Variants in USP15 observed in about 807,000 individuals in gnomAD.
USP15 encodes ubiquitin specific peptidase 15, also known as ubiquitin carboxyl-terminal hydrolase 15.
A neutral mutation model predicts 127.1 loss-of-function variants in USP15; 18 were observed. The observed-to-expected ratio is 0.14, with a 90% CI of 0.10 to 0.21. The LOEUF is 0.21. USP15 is among the 10% of genes least tolerant of loss of function. The pLI is 1.00. For missense variants in USP15, 805 were observed against 1,159.9 expected (o/e 0.69, Z 4.44); for synonymous variants, 364 against 393.7 (o/e 0.92, Z 0.89).
intron 8 of USP15, among the ~76,000 whole-genome samples, chr12:62,366,945 G>A (rs147914360): frequency 1.3e-5 from 2 of 152,218 alleles, no homozygotes; most frequent in African/African-American, 2.4e-5. Context: ...TGCTGGATTC[G>A]GTTTGCCAGT....
chr12:62,350,278 C>T (rs2065930949), intron 7 of USP15, among the ~76,000 whole-genome samples: 1 of 151,734 alleles, frequency 6.6e-6, no homozygotes, highest in African/African-American at 2.4e-5. Context: ...TAAATTAAAA[C>T]ACCAATAATT....
chr12:62,393,279 T>A, intron 19 of USP15, 77 bp downstream of exon 19: 1 of 1,523,816 alleles, frequency 6.6e-7, no homozygotes, highest in Non-Finnish European at 8.8e-7. Context: ...TTATTATCCT[T>A]TAGTAAACAT....
intron 6 of USP15, among the ~76,000 whole-genome samples, chr12:62,344,455 G>A (rs1340631739): frequency 6.6e-6 from 1 of 152,214 alleles, no homozygotes. Context: ...TGGCTTTGCA[G>A]GGTGTAGCCC....
At position 62,384,367 on chromosome 12, in the gene USP15, A is replaced by AGG. The variant is rs1465969026; in HGVS notation, c.1473+65_1473+66insGG. 3 of 1,254,992 alleles carry AGG rather than the reference A, an allele frequency of 2.4e-6. No individual in the cohort carries two copies. In the African/African-American group the frequency reaches 4.6e-5, roughly 19 times the overall value. The allele number at this position is 1,254,992 out of a possible 1,614,324, so 77.7% of individuals were successfully genotyped here. On this transcript the variant is annotated intron_variant, in intron 11 of 21. Transcript: ENST00000280377. ...TTTTTGCATTTGTTATTTTTATTAA[A>AGG]AAATTAGTGTTGAGTCCTTATTATA...
chr12:62,333,924 T>G (rs1168309992), intron 6 of USP15, among the ~76,000 whole-genome samples: 1 of 152,162 alleles, frequency 6.6e-6, no homozygotes, highest in African/African-American at 2.4e-5. Context: ...AGAATAATCA[T>G]GAAGGCTCAG....
At chr12:62,362,480 C>T (rs1417607032) in intron 8 of USP15, among the ~76,000 whole-genome samples, 3 of 152,044 alleles carry the variant, frequency 2.0e-5, no homozygotes, top group African/African-American at 7.2e-5. Context: ...TTCAAGTACT[C>T]CTTTTGGAAT....
intron 6 of USP15, among the ~76,000 whole-genome samples, chr12:62,347,424 G>C (rs2065852723): frequency 6.6e-6 from 1 of 151,038 alleles, no homozygotes; most frequent in Non-Finnish European, 1.5e-5. Flanking sequence ...TGAAGCAATG[G>C]ATCTTTATTT....
intron 8 of USP15, among the ~76,000 whole-genome samples, chr12:62,372,715 CT>C (rs1404736572): frequency 2.0e-5 from 3 of 152,008 alleles, no homozygotes; most frequent in African/African-American, 7.2e-5. Context: ...AATCCTTTGA[CT>C]GTCTTGCTTG....
chr12:62,364,599 A>C (rs2066421325), intron 8 of USP15, among the ~76,000 whole-genome samples: 1 of 151,918 alleles, frequency 6.6e-6, no homozygotes, highest in Non-Finnish European at 1.5e-5. Context: ...TCTGGGGTAC[A>C]TGTGCGCAAA....
In USP15 at chr12:62,314,856, T is replaced by A; in HGVS notation, c.415T>A (p.Cys139Ser). 3.8e-6 allele frequency: 6 copies of A among 1,599,746 alleles called. No individual in the cohort carries two copies. Among genetic ancestry groups the A allele is most frequent in the Non-Finnish European group, 5.1e-6 (6 of 1,173,064 alleles). The change falls in exon 4 of 22, where the codon TGT becomes AGT. Residue 139 changes from cysteine (C) to serine (S), a missense_variant. Transcript: ENST00000280377. Reference protein sequence around the residue: ...VEVYLTELKLCENGNMNNVVT... With the variant: ...VEVYLTELKLSENGNMNNVVT... ...AGTATATCTCACAGAATTGAAGCTATGTGAAAATGGAAACATGAATAATGT... is the reference window on the plus strand; with the variant it reads ...AGTATATCTCACAGAATTGAAGCTAAGTGAAAATGGAAACATGAATAATGT...
At chr12:62,401,137 C>G (rs922909020) in intron 20 of USP15, 50 bp from the exon 21 acceptor site, 2 of 1,376,084 alleles carry the variant, frequency 1.5e-6, no homozygotes, top group South Asian at 1.2e-5. Flanking sequence ...TGAGGAGTCC[C>G]CAGAAAACCA....
chr12:62,321,149 T>C (rs992835087), intron 4 of USP15, among the ~76,000 whole-genome samples: 3 of 152,130 alleles, frequency 2.0e-5, no homozygotes, highest in African/African-American at 7.2e-5. Context: ...TCAGAAAATA[T>C]TTGAATTATA....
At chr12:62,276,617 G>A (rs901007993) in intron 1 of USP15, among the ~76,000 whole-genome samples, 1 of 151,842 alleles carries the variant, frequency 6.6e-6, no homozygotes, top group African/African-American at 2.4e-5. Flanking sequence ...TTCACTGGTT[G>A]CTCTAGTTAC....
chr12:62,337,933 A>G lies in USP15; in HGVS notation c.684-11288A>G, dbSNP rs185636580. On this transcript the variant is annotated intron_variant, in intron 6 of 21. Coordinates refer to ENST00000280377, the MANE Select transcript of USP15 (RefSeq NM_001252078.2). ...CTTTGCTGTTGTAAATAGTGCTGCA[A>G]TAAACATACATGTGCATGTGTCTTT... 2.3e-3 allele frequency among the ~76,000 whole-genome samples: 350 copies of G among 152,320 alleles called. 4 individuals carry two copies. The highest frequency in any genetic ancestry group is 7.7e-3 in the African/African-American group (318 of 41,562).
At chr12:62,343,487 G>A (rs2065711794) in intron 6 of USP15, among the ~76,000 whole-genome samples, 2 of 152,172 alleles carry the variant, frequency 1.3e-5, no homozygotes, top group Admixed American at 1.3e-4. Flanking sequence ...CTAGCTCAGT[G>A]CCTGCCCAAA....
Position 62,405,576 on chromosome 12 carries a change from A to G in USP15, c.*1201A>G, listed in dbSNP as rs1184463744. The G allele has an allele frequency of 2.6e-5, 4 of 152,566 alleles. No homozygotes were observed. The highest frequency in any genetic ancestry group is 7.2e-5 in the African/African-American group (3 of 41,444). The allele number at this position is 152,566 out of a possible 1,614,324, so 9.5% of individuals were successfully genotyped here. A position where few individuals can be genotyped will look rare whatever the true frequency, so the allele number is the denominator to read the frequency against. On this transcript the variant is annotated 3_prime_UTR_variant, in exon 22 of 22. Coordinates refer to ENST00000280377, the MANE Select transcript of USP15 (RefSeq NM_001252078.2). ...AAAAATATGTGTGAACATTTGAAAC[A>G]TTTTTATTTGCTGCTTTTTCCCTTT...
chr12:62,282,496 G>A (rs967149510), intron 1 of USP15, among the ~76,000 whole-genome samples: 9 of 152,132 alleles, frequency 5.9e-5, no homozygotes, highest in African/African-American at 1.9e-4. Context: ...TTGTAATAGT[G>A]TGAGATGATA....
intron 3 of USP15, among the ~76,000 whole-genome samples, chr12:62,309,715 G>A (rs113464178): frequency 0.01 from 1,527 of 151,820 alleles, 25 homozygotes; most frequent in African/African-American, 0.034. Context: ...TGACCAAGGT[G>A]GATATTTTTC....
At chr12:62,360,319 T>G (rs924103833) in intron 8 of USP15, among the ~76,000 whole-genome samples, 3 of 152,122 alleles carry the variant, frequency 2.0e-5, no homozygotes, top group Non-Finnish European at 4.4e-5. Context: ...TCAAGCATTT[T>G]TAAGGTCAGC....
Sources: allele counts gnomAD v4.1 joint callset (sites outside exome capture counted in the v4.1 genomes callset), GRCh38; gene constraint gnomAD v4.1.1; transcripts MANE v1.5; gene names NCBI Gene and HGNC (gene_info 2026-07-23, HGNC 2026-07-21).